Variants in ZNF397 observed in about 807,000 individuals in gnomAD.
ZNF397 encodes the protein zinc finger protein 397, also known as zinc finger and SCAN domain-containing protein 15.
In ZNF397, 38 loss-of-function variants were observed where a neutral mutation model predicts 50.6. That is an observed-to-expected ratio of 0.75 (90% CI 0.58 to 0.98). The LOEUF is 0.98. Among genes scored for constraint, ZNF397 ranks in the 50% least tolerant of loss-of-function variants. The probability of loss-of-function intolerance (pLI) is 0.00; values close to 1 mark genes in which losing one functional copy is unlikely to be tolerated. For synonymous variants in ZNF397, 228 were observed against 215.2 expected (o/e 1.06, Z -0.52); for missense variants, 624 against 624.1 (o/e 1.00, Z 0.00).
At chr18:35,244,214 C>G (rs1022597193) in intron 3 of ZNF397, 1 of 154,332 alleles carries the variant, frequency 6.5e-6, no homozygotes, top group Non-Finnish European at 1.5e-5. Flanking sequence ...ATTATTAAAA[C>G]TAGAGTGTGA....
chr18:35,246,843 T>G lies in ZNF397; in HGVS notation c.*533T>G, dbSNP rs895968931. 13 of 985,572 alleles carry G rather than the reference T, an allele frequency of 1.3e-5. No homozygotes were observed. Among genetic ancestry groups the G allele is most frequent in the African/African-American group, 1.7e-5 (1 of 57,200 alleles). 61.1% of individuals were successfully genotyped at this position (985,572 alleles called of 1,614,324 possible). A position where few individuals can be genotyped will look rare whatever the true frequency, so the allele number is the denominator to read the frequency against. On this transcript the variant is annotated 3_prime_UTR_variant, in exon 4 of 4. Coordinates refer to ENST00000330501, the MANE Select transcript of ZNF397 (RefSeq NM_001135178.3). ...TAGGCATGAGAAGAAAGAATATAAT[T>G]TACCCAAAGGTTATTTTTTGAGTAC...
chr18:35,246,360 T>A lies in ZNF397; in HGVS notation c.*50T>A. Reference sequence around the variant, plus strand: ...AATACTTCAGTCAGATTTTTAAGTTTGTTAGTCAAAAGAGTTTACTTTGGA... The same window carrying A: ...AATACTTCAGTCAGATTTTTAAGTTAGTTAGTCAAAAGAGTTTACTTTGGA... On this transcript the variant is annotated 3_prime_UTR_variant, in exon 4 of 4. Coordinates refer to ENST00000330501, the MANE Select transcript of ZNF397 (RefSeq NM_001135178.3). The A allele has an allele frequency of 2.0e-6, 3 of 1,471,756 alleles. No homozygotes were observed. Among genetic ancestry groups the A allele is most frequent in the Non-Finnish European group, 2.7e-6 (3 of 1,112,838 alleles). 91.2% of individuals were successfully genotyped at this position (1,471,756 alleles called of 1,614,324 possible).
chr18:35,254,268 G>A (rs72959629), downstream of ZNF397: 6,587 of 1,614,082 alleles, frequency 4.1e-3, 45 homozygotes, highest in South Asian at 0.022. Flanking sequence ...TCAGCTATCC[G>A]TTGGGAATGT....
chr18:35,243,388 G>A lies in ZNF397; in HGVS notation c.556+95G>A, dbSNP rs769409943. ...TGCACTTGACAAACTTGCCACATGT[G>A]AGCATCACCTTTATTATTCTAAACC... On this transcript the variant is annotated intron_variant, in intron 3 of 3. Transcript: ENST00000330501. 35 of 1,568,622 alleles carry A rather than the reference G, an allele frequency of 2.2e-5. 1 individual carries two copies. The highest frequency in any genetic ancestry group is 2.0e-4 in the South Asian group (18 of 90,132).
chr18:35,245,964 CAGG>C lies in ZNF397; in HGVS notation c.1262_1264del (p.Gly421del). On this transcript the variant is annotated inframe_deletion, in exon 4 of 4. Coordinates refer to ENST00000330501, the MANE Select transcript of ZNF397 (RefSeq NM_001135178.3). ...CTCATTAGACATCAGCGAATTCACA[CAGG>C]AGAGAGACCCTATGAATGTAATGAA... 6.3e-7 allele frequency: 1 copy of C among 1,582,582 alleles called. No homozygotes were observed. The highest frequency in any genetic ancestry group is 1.2e-5 in the South Asian group (1 of 86,686).
chr18:35,244,040 A>C (rs1912739857), intron 3 of ZNF397: 1 of 155,158 alleles, frequency 6.4e-6, no homozygotes, highest in Admixed American at 6.5e-5. Context: ...AGTTAGCTGC[A>C]AATGGAGAAT....
Position 35,249,196 on chromosome 18 carries a change from A to G in ZNF397, c.*2886A>G, listed in dbSNP as rs2043530042. The G allele has an allele frequency of 6.6e-6, 1 of 152,238 alleles. No individual in the cohort carries two copies. The highest frequency in any genetic ancestry group is 2.4e-5 in the African/African-American group (1 of 41,458). 9.4% of individuals were successfully genotyped at this position (152,238 alleles called of 1,614,324 possible). On this transcript the variant is annotated 3_prime_UTR_variant, in exon 4 of 4. Coordinates refer to ENST00000330501, the MANE Select transcript of ZNF397 (RefSeq NM_001135178.3). ...ATAAAACAGACAGGGATTCAGGGAC[A>G]TTGGGACTCTAATGCTGCTGGTAAG...
rs1375949839 is a variant in ZNF397, at chr18:35,245,895, A to T, written c.1190A>T (p.Tyr397Phe). ...HQRIHTGEKP[Y>F]ECNECGKTFS... ...AGAATTCACACTGGTGAGAAACCTTATGAGTGTAATGAATGTGGGAAAACC... is the reference window on the plus strand; with the variant it reads ...AGAATTCACACTGGTGAGAAACCTTTTGAGTGTAATGAATGTGGGAAAACC... The change falls in exon 4 of 4, where the codon TAT becomes TTT. Residue 397 changes from tyrosine (Y) to phenylalanine (F), a missense_variant. Transcript: ENST00000330501. The T allele has an allele frequency of 1.3e-6, 2 of 1,563,226 alleles. No individual in the cohort carries two copies. Among genetic ancestry groups the T allele is most frequent in the African/African-American group, 2.7e-5 (2 of 73,286 alleles).
downstream of ZNF397, chr18:35,253,329 A>T: frequency 1.4e-6 from 1 of 698,770 alleles, no homozygotes; most frequent in Non-Finnish European, 2.3e-6. Context: ...GTCTTCTTAT[A>T]GTACCGAACT....
chr18:35,248,207 C>G lies in ZNF397; in HGVS notation c.*1897C>G, dbSNP rs748793707. 1 of 152,086 alleles carries G rather than the reference C, an allele frequency of 6.6e-6. No homozygotes were observed. The highest frequency in any genetic ancestry group is 1.5e-5 in the Non-Finnish European group (1 of 68,008). The allele number at this position is 152,086 out of a possible 1,614,324, so 9.4% of individuals were successfully genotyped here. On this transcript the variant is annotated 3_prime_UTR_variant, in exon 4 of 4. Coordinates refer to ENST00000330501, the MANE Select transcript of ZNF397 (RefSeq NM_001135178.3). ...ACCAAAAACAAATCTGTATGGAAAT[C>G]TAGAATCATGTGCATAGAAAAAGAA...
chr18:35,254,127 G>A, downstream of ZNF397: 2 of 1,614,172 alleles, frequency 1.2e-6, no homozygotes, highest in Non-Finnish European at 1.7e-6. Flanking sequence ...AGGACACTGT[G>A]TTCTGTGGGG....
downstream of ZNF397, chr18:35,258,478 A>T (rs975786803): frequency 6.4e-6 from 1 of 156,312 alleles, no homozygotes; most frequent in African/African-American, 2.4e-5. Context: ...CAAACTTCAG[A>T]TGAATGTGGA....
downstream of ZNF397, chr18:35,253,980 G>A (rs1006200175): frequency 2.5e-6 from 4 of 1,614,194 alleles, no homozygotes; most frequent in Middle Eastern, 1.6e-4. Flanking sequence ...ATTCTCTGAT[G>A]TCTAATCAGC....
chr18:35,247,490 C>A lies in ZNF397; in HGVS notation c.*1180C>A, dbSNP rs2043501000. The A allele has an allele frequency of 6.6e-6, 1 of 152,172 alleles. No homozygotes were observed. Among genetic ancestry groups the A allele is most frequent in the Non-Finnish European group, 1.5e-5 (1 of 68,064 alleles). The allele number at this position is 152,172 out of a possible 1,614,324, so 9.4% of individuals were successfully genotyped here. Reference sequence around the variant, plus strand: ...TCTTAAAATTCCCAACGCTCTGGATCAGAAGCTGCCATATCATTTGTTTCT... The same window carrying A: ...TCTTAAAATTCCCAACGCTCTGGATAAGAAGCTGCCATATCATTTGTTTCT... On this transcript the variant is annotated 3_prime_UTR_variant, in exon 4 of 4. Transcript: ENST00000330501.
At chr18:35,252,317 G>A (rs1482992453), downstream of ZNF397, 1 of 152,182 alleles carries the variant, frequency 6.6e-6, no homozygotes, top group African/African-American at 2.4e-5. Context: ...AGACAGTGGG[G>A]ACTGGAGTGT....
downstream of ZNF397, chr18:35,258,911 G>A (rs1419436147): frequency 3.1e-5 from 4 of 127,080 alleles, no homozygotes; most frequent in Non-Finnish European, 5.0e-5. Flanking sequence ...AGGTCAAAGT[G>A]CAGTGTACTC....
intron 5 of ZNF397, chr18:35,257,905 C>T (rs781280555): frequency 1.5e-5 from 12 of 780,920 alleles, no homozygotes; most frequent in Non-Finnish European, 2.9e-5. Context: ...CTTCCTAATC[C>T]TGCTTCTCTC....
At chr18:35,253,263 A>G, downstream of ZNF397, 1 of 473,598 alleles carries the variant, frequency 2.1e-6, no homozygotes, top group Non-Finnish European at 3.7e-6. Context: ...AGACTTGGGT[A>G]ACATTTTTCT....
Position 35,246,995 on chromosome 18 carries a change from C to A in ZNF397, c.*685C>A. 1 of 881,224 alleles carries A rather than the reference C, an allele frequency of 1.1e-6. No individual in the cohort carries two copies. Among genetic ancestry groups the A allele is most frequent in the Non-Finnish European group, 1.4e-6 (1 of 735,078 alleles). 54.6% of individuals were successfully genotyped at this position (881,224 alleles called of 1,614,324 possible). A position where few individuals can be genotyped will look rare whatever the true frequency, so the allele number is the denominator to read the frequency against. ...CTATGTGACCTTAAGGAGCACCTGACTCAGCCTTGGATAAGGAAATGGGGG... is the reference window on the plus strand; with the variant it reads ...CTATGTGACCTTAAGGAGCACCTGAATCAGCCTTGGATAAGGAAATGGGGG... On this transcript the variant is annotated 3_prime_UTR_variant, in exon 4 of 4. Transcript: ENST00000330501.
Sources: gnomAD v4.1 joint callset for allele counts on GRCh38, gnomAD v4.1.1 for gene constraint, MANE v1.5 for transcripts, NCBI Gene and HGNC (gene_info 2026-07-23, HGNC 2026-07-21) for gene names.